ALPK2: variants seen among roughly 807,000 people sequenced by gnomAD.
ALPK2 encodes the protein alpha kinase 2, also known as alpha-protein kinase 2.
Under a neutral mutation model 163.1 loss-of-function variants are expected in ALPK2, and 127 were observed. The ratio of observed to expected loss-of-function variants is 0.78; its 90% CI spans 0.67 to 0.90. The LOEUF is 0.90. Among genes scored for constraint, ALPK2 ranks in the 40% least tolerant of loss-of-function variants. The pLI, the probability that ALPK2 is intolerant of heterozygous loss-of-function variation, is 0.00. For missense variants in ALPK2, 2,360 were observed against 2,589.6 expected, an observed-to-expected ratio of 0.91 and a Z score of 1.92; for synonymous variants, 953 against 959.1, an observed-to-expected ratio of 0.99 and a Z score of 0.12.
chr18:58,572,121 A>G (rs2051889203), intron 4 of ALPK2, among the ~76,000 whole-genome samples: 1 of 152,192 alleles, frequency 6.6e-6, no homozygotes, highest in South Asian at 2.1e-4. Context: ...AAAATATACA[A>G]CTGGCAAATA....
Position 58,628,974 on chromosome 18 carries a change from T to C in ALPK2, c.-231A>G, listed in dbSNP as rs1177019653. ...TCTCTTCCTAAGAGGGGAAATTCCA[T>C]GCCCGGGGAAGTTCTGGAAGAAGAG... On this transcript the variant is annotated 5_prime_UTR_variant, in exon 1 of 13. The change abolishes an upstream ATG in the 5' untranslated region. Coordinates refer to ENST00000361673, the MANE Select transcript of ALPK2 (RefSeq NM_052947.4). The C allele has an allele frequency of 2.0e-5, 3 of 152,260 alleles. No homozygotes were observed. Among genetic ancestry groups the C allele is most frequent in the African/African-American group, 7.2e-5 (3 of 41,450 alleles). 9.4% of individuals were successfully genotyped at this position (152,260 alleles called of 1,614,324 possible). A position where few individuals can be genotyped will look rare whatever the true frequency, so the allele number is the denominator to read the frequency against.
At chr18:58,581,486 G>A (rs1244559958) in intron 3 of ALPK2, among the ~76,000 whole-genome samples, 1 of 152,216 alleles carries the variant, frequency 6.6e-6, no homozygotes, top group African/African-American at 2.4e-5. Flanking sequence ...CCCAGCAGGG[G>A]AGGAACAGAA....
chr18:58,525,574 A>G (rs1483055140), intron 6 of ALPK2, among the ~76,000 whole-genome samples: 1 of 152,204 alleles, frequency 6.6e-6, no homozygotes, highest in Non-Finnish European at 1.5e-5. Context: ...GGCTTGGCCC[A>G]TGGTCCCCAC....
chr18:58,492,451 A>G (rs554694119), intron 12 of ALPK2, among the ~76,000 whole-genome samples: 1 of 152,136 alleles, frequency 6.6e-6, no homozygotes, highest in South Asian at 2.1e-4. Context: ...ATTGGCTTAG[A>G]CCTTCCTGAA....
At chr18:58,492,983 T>C (rs962323597) in intron 12 of ALPK2, among the ~76,000 whole-genome samples, 3 of 152,062 alleles carry the variant, frequency 2.0e-5, no homozygotes, top group Non-Finnish European at 4.4e-5. Context: ...CAGACTTCCC[T>C]CCAGCCTCCA....
In ALPK2 at chr18:58,535,618, C is replaced by T. The variant is rs1263144084; in HGVS notation, c.4569G>A (p.Glu1523=). 1 of 1,614,208 alleles carries T rather than the reference C, an allele frequency of 6.2e-7. No individual in the cohort carries two copies. Among genetic ancestry groups the T allele is most frequent in the Admixed American group, 1.7e-5 (1 of 60,032 alleles). Residue 1523 remains glutamate (E), a synonymous_variant, in exon 5 of 13, where the codon GAG becomes GAA. Transcript: ENST00000361673. The stretch of plus-strand genomic sequence containing the variant: ...CTTTGTCCTTTTTGCTTTGCTCAGC[C>T]TCCCCTAAGCTCCCATCACTGCTTT... ...IQESSDGSLG[E]AEQSKKDKAE...
At chr18:58,619,109 C>A (rs79446379) in intron 1 of ALPK2, among the ~76,000 whole-genome samples, 274 of 152,320 alleles carry the variant, frequency 1.8e-3, no homozygotes, top group African/African-American at 6.5e-3. Context: ...AGTTAGGGAA[C>A]CTTATCCAAA....
intron 3 of ALPK2, among the ~76,000 whole-genome samples, chr18:58,605,647 C>T (rs2052094194): frequency 6.6e-6 from 1 of 152,186 alleles, no homozygotes; most frequent in Non-Finnish European, 1.5e-5. Flanking sequence ...CCATGGGTAA[C>T]TAGAATCTCA....
intron 4 of ALPK2, chr18:58,543,260 C>T: frequency 1.4e-6 from 1 of 709,258 alleles, no homozygotes; most frequent in Non-Finnish European, 1.7e-6. Context: ...GTCTCCAGAG[C>T]TGTAAGAAAT....
At chr18:58,489,740 A>T (rs1214597511) in intron 12 of ALPK2, among the ~76,000 whole-genome samples, 2 of 152,072 alleles carry the variant, frequency 1.3e-5, no homozygotes. Context: ...CATTCAAAAT[A>T]CACATCAGCT....
chr18:58,513,110 G>T (rs549319417), intron 10 of ALPK2, among the ~76,000 whole-genome samples: 1 of 148,440 alleles, frequency 6.7e-6, no homozygotes, highest in East Asian at 2.0e-4. Flanking sequence ...TATGTGTGTT[G>T]TATGTGGTGT....
chr18:58,596,990 A>G (rs993095939), intron 3 of ALPK2, among the ~76,000 whole-genome samples: 2 of 151,026 alleles, frequency 1.3e-5, no homozygotes, highest in Admixed American at 6.6e-5. Flanking sequence ...CAAGCTAATT[A>G]AAAAAAAACA....
intron 5 of ALPK2, among the ~76,000 whole-genome samples, chr18:58,533,538 T>C (rs1273444120): frequency 6.6e-6 from 1 of 151,836 alleles, no homozygotes; most frequent in Non-Finnish European, 1.5e-5. Context: ...CAGCTCACTG[T>C]AGCCTCGACT....
chr18:58,587,358 C>T (rs1447924975), intron 3 of ALPK2, among the ~76,000 whole-genome samples: 1 of 152,098 alleles, frequency 6.6e-6, no homozygotes, highest in African/African-American at 2.4e-5. Flanking sequence ...CAGTTTTCAA[C>T]AAAAATTATG....
At position 58,536,281 on chromosome 18, in the gene ALPK2, A is replaced by G; in HGVS notation, c.3906T>C (p.Asp1302=). The G allele has an allele frequency of 1.2e-6, 2 of 1,614,208 alleles. No individual in the cohort carries two copies. The highest frequency in any genetic ancestry group is 1.1e-5 in the South Asian group (1 of 91,080). The change falls in exon 5 of 13, where the codon GAT becomes GAC. Residue 1302 remains aspartate, a synonymous_variant. Coordinates refer to ENST00000361673, the MANE Select transcript of ALPK2 (RefSeq NM_052947.4). The part of the protein sequence containing the change: ...EIAALAHSPE[D]AESALADSRE... ...TGCTATCAGCAAGGGCTGACTCAGC[A>G]TCCTCTGGACTGTGAGCCAATGCTG...
intron 3 of ALPK2, among the ~76,000 whole-genome samples, chr18:58,581,883 G>A (rs1200785681): frequency 2.6e-5 from 4 of 152,184 alleles, no homozygotes; most frequent in Non-Finnish European, 5.9e-5. Context: ...GGAAGGGTCA[G>A]TGTGAGACAC....
intron 4 of ALPK2, 72 bp downstream of exon 4, chr18:58,578,742 A>ACGCG (rs758855904): frequency 1.1e-5 from 13 of 1,232,032 alleles, no homozygotes; most frequent in African/African-American, 6.0e-5. Flanking sequence ...AGACACACAC[A>ACGCG]CACACACACA....
intron 3 of ALPK2, among the ~76,000 whole-genome samples, chr18:58,591,209 G>T (rs1019570313): frequency 6.6e-6 from 1 of 152,124 alleles, no homozygotes; most frequent in Non-Finnish European, 1.5e-5. Flanking sequence ...TGCACTAAAT[G>T]CTTCAAAATG....
In ALPK2 at chr18:58,536,718, A is replaced by C. The variant is rs752319559; in HGVS notation, c.3469T>G (p.Leu1157Val). The change falls in exon 5 of 13, where the codon TTG becomes GTG. Residue 1157 changes from leucine (L) to valine (V), a missense_variant. Coordinates refer to ENST00000361673, the MANE Select transcript of ALPK2 (RefSeq NM_052947.4). ...SLSAPDFQQS[L>V]PTTSAAQEER... is the part of the protein sequence containing the mutation. ...TCTTGTGCAGCAGATGTCGTAGGCA[A>C]ACTTTGTTGGAAATCAGGTGCAGAA... 57 of 1,613,986 alleles carry C rather than the reference A, an allele frequency of 3.5e-5. No homozygotes were observed. The highest frequency in any genetic ancestry group is 1.9e-5 in the Non-Finnish European group (22 of 1,180,010).
Sources: gnomAD v4.1 joint callset for allele counts (sites outside exome capture counted in the v4.1 genomes callset) on GRCh38, gnomAD v4.1.1 for gene constraint, MANE v1.5 for transcripts, NCBI Gene and HGNC (gene_info 2026-07-23, HGNC 2026-07-21) for gene names.